The following GAP43 variants were observed in gnomAD, a reference collection of about 807,000 sequenced individuals.
GAP43 encodes neuromodulin.
Under a neutral mutation model 18.6 loss-of-function variants are expected in GAP43, and 6 were observed. The observed-to-expected ratio is 0.32, with a 90% CI of 0.18 to 0.64. The LOEUF is 0.64. Among genes scored for constraint, GAP43 ranks in the 30% least tolerant of loss-of-function variants. The pLI is 0.78. For synonymous variants in GAP43, 115 were observed against 111.4 expected, an observed-to-expected ratio of 1.03 and a Z score of -0.20; for missense variants, 292 against 295.5, an observed-to-expected ratio of 0.99 and a Z score of 0.09.
chr3:115,653,213 G>A (rs1708542883), intron 1 of GAP43, among the ~76,000 whole-genome samples: 1 of 152,162 alleles, frequency 6.6e-6, no homozygotes, highest in Non-Finnish European at 1.5e-5. Flanking sequence ...GCTGAGGGGG[G>A]CAGATAACTT....
intron 1 of GAP43, among the ~76,000 whole-genome samples, chr3:115,656,604 C>T (rs2107478151): frequency 6.6e-6 from 1 of 152,278 alleles, no homozygotes; most frequent in South Asian, 2.1e-4. Context: ...TCTACCTAAA[C>T]TTCGATTTTG....
intron 2 of GAP43, among the ~76,000 whole-genome samples, chr3:115,685,897 T>C (rs973130949): frequency 1.5e-4 from 23 of 152,334 alleles, no homozygotes; most frequent in East Asian, 5.8e-4. Flanking sequence ...TTGGAAGATA[T>C]GTTAGTTTTC....
intron 2 of GAP43, among the ~76,000 whole-genome samples, chr3:115,718,794 A>C (rs898714560): frequency 5.3e-5 from 8 of 152,208 alleles, no homozygotes; most frequent in African/African-American, 1.7e-4. Context: ...ATTTTCAAAA[A>C]ATAAGCATTT....
At chr3:115,715,075 A>T (rs1709487855) in intron 2 of GAP43, among the ~76,000 whole-genome samples, 1 of 152,170 alleles carries the variant, frequency 6.6e-6, no homozygotes, top group Non-Finnish European at 1.5e-5. Flanking sequence ...CCCAGTCATG[A>T]GTCCGCTACC....
chr3:115,641,793 G>A (rs2107470787), intron 1 of GAP43, among the ~76,000 whole-genome samples: 1 of 152,076 alleles, frequency 6.6e-6, no homozygotes, highest in East Asian at 1.9e-4. Flanking sequence ...CTTTTATCTT[G>A]TATTTATTTA....
At chr3:115,683,217 G>A (rs1414164831) in intron 2 of GAP43, among the ~76,000 whole-genome samples, 2 of 149,198 alleles carry the variant, frequency 1.3e-5, no homozygotes, top group Non-Finnish European at 3.0e-5. Context: ...GACCAAGGAG[G>A]CATCTTTGAA....
At chr3:115,694,816 T>C (rs1463362245) in intron 2 of GAP43, among the ~76,000 whole-genome samples, 1 of 152,260 alleles carries the variant, frequency 6.6e-6, no homozygotes, top group East Asian at 1.9e-4. Context: ...AACATTCTGG[T>C]TTATCAAATA....
chr3:115,641,510 T>TCA (rs376412583), intron 1 of GAP43, among the ~76,000 whole-genome samples: 1,744 of 107,036 alleles, frequency 0.016, 29 homozygotes, highest in African/African-American at 0.038. Context: ...ATATATATAT[T>TCA]CACACACACA....
intron 2 of GAP43, among the ~76,000 whole-genome samples, chr3:115,701,383 CG>C (rs1241534055): frequency 6.6e-6 from 1 of 151,836 alleles, no homozygotes; most frequent in Non-Finnish European, 1.5e-5. Flanking sequence ...ATTGTTATTC[CG>C]GGGGTAGGGT....
chr3:115,705,592 A>T (rs1035876965), intron 2 of GAP43, among the ~76,000 whole-genome samples: 1 of 152,208 alleles, frequency 6.6e-6, no homozygotes, highest in African/African-American at 2.4e-5. Flanking sequence ...ATCTAGGGTG[A>T]CATTGTTGAA....
chr3:115,698,171 TTA>T (rs1709237471), intron 2 of GAP43, among the ~76,000 whole-genome samples: 1 of 18,668 alleles, frequency 5.4e-5, no homozygotes, highest in African/African-American at 1.3e-4. Context: ...ATAAAATATA[TTA>T]AATAATATAT....
intron 1 of GAP43, among the ~76,000 whole-genome samples, chr3:115,647,180 CCTTG>C (rs28370260): frequency 0.64 from 96,360 of 151,332 alleles, 30,808 homozygotes; most frequent in South Asian, 0.78. Flanking sequence ...CATAGAGCTT[CCTTG>C]CTTGACCCTT....
intron 2 of GAP43, among the ~76,000 whole-genome samples, chr3:115,693,374 G>C (rs1160519651): frequency 6.6e-6 from 1 of 152,156 alleles, no homozygotes; most frequent in Non-Finnish European, 1.5e-5. Flanking sequence ...CTGGGCCCTG[G>C]TTTCAACACA....
rs73136432 is a variant in GAP43, at chr3:115,673,184, C to T, written c.31-2829C>T. Among the ~76,000 whole-genome samples the T allele has an allele frequency of 6.5e-3, 988 of 152,214 alleles. 6 individuals carry two copies. Among genetic ancestry groups the T allele is most frequent in the South Asian group, 0.012 (59 of 4,820 alleles). The stretch of plus-strand genomic sequence containing the variant: ...GATGCTGTGTTCAGAAGCTTAAATT[C>T]TGATTTTTTAGAAAATTGAAGTTGC... On this transcript the variant is annotated intron_variant, in intron 1 of 2. Transcript: ENST00000305124.
intron 1 of GAP43, among the ~76,000 whole-genome samples, chr3:115,629,932 C>T (rs1708241797): frequency 6.6e-6 from 1 of 152,160 alleles, no homozygotes; most frequent in East Asian, 1.9e-4. Context: ...CACTTATAGA[C>T]ATGACAGCCA....
chr3:115,637,264 G>A (rs1708341169), intron 1 of GAP43, among the ~76,000 whole-genome samples: 1 of 151,954 alleles, frequency 6.6e-6, no homozygotes, highest in Non-Finnish European at 1.5e-5. Context: ...AACTCTTTAA[G>A]GGTAAGATAT....
chr3:115,681,461 C>A (rs1194936680), intron 2 of GAP43, among the ~76,000 whole-genome samples: 1 of 152,066 alleles, frequency 6.6e-6, no homozygotes, highest in African/African-American at 2.4e-5. Context: ...GAAATACCAA[C>A]CAGGACCTTA....
chr3:115,688,093 C>T (rs949144638), intron 2 of GAP43, among the ~76,000 whole-genome samples: 19 of 152,064 alleles, frequency 1.2e-4, no homozygotes, highest in Middle Eastern at 3.4e-3. Context: ...CTTGGCTCAC[C>T]GCAACCTCCG....
At chr3:115,653,076 T>C (rs1708541398) in intron 1 of GAP43, among the ~76,000 whole-genome samples, 1 of 152,226 alleles carries the variant, frequency 6.6e-6, no homozygotes, top group South Asian at 2.1e-4. Flanking sequence ...ACTTCAAGAC[T>C]GGGTTTCTCT....
Sources: gnomAD v4.1 joint callset for allele counts (sites outside exome capture counted in the v4.1 genomes callset) on GRCh38, gnomAD v4.1.1 for gene constraint, MANE v1.5 for transcripts, NCBI Gene and HGNC (gene_info 2026-07-23, HGNC 2026-07-21) for gene names.